Variants in CENATAC observed in about 807,000 individuals in gnomAD.
CENATAC encodes the protein centrosomal AT-AC splicing factor, also known as coiled-coil domain containing 84.
In CENATAC, 53 loss-of-function variants were observed where a neutral mutation model predicts 53.7. That is an observed-to-expected ratio of 0.99 (90% CI 0.79 to 1.24). The LOEUF is 1.24. Ranked by LOEUF, CENATAC falls within the 50% of genes most tolerant of loss-of-function variation. The pLI, the probability that CENATAC is intolerant of heterozygous loss-of-function variation, is 0.00. For missense variants in CENATAC, 474 were observed against 417.8 expected (o/e 1.13, Z -1.17); for synonymous variants, 156 against 144.6 (o/e 1.08, Z -0.57).
rs144776371 is a variant in CENATAC at position 119,015,775 on chromosome 11, A to T, written c.*177A>T. 6.8e-6 allele frequency: 9 copies of T among 1,330,518 alleles called. No homozygotes were observed. The highest frequency in any genetic ancestry group is 3.8e-4 in the Middle Eastern group (2 of 5,314). The allele number at this position is 1,330,518 out of a possible 1,614,324, so 82.4% of individuals were successfully genotyped here. A position where few individuals can be genotyped will look rare whatever the true frequency, so the allele number is the denominator to read the frequency against. On this transcript the variant is annotated 3_prime_UTR_variant, in exon 11 of 11. Coordinates refer to ENST00000334418, the MANE Select transcript of CENATAC (RefSeq NM_198489.3). The stretch of plus-strand genomic sequence containing the variant: ...TGGTTGGACCTGTAAAAAAAAATTA[A>T]AAGAATCAGAACCATAAAGCTTTGT...
At chr11:119,008,494 C>G (rs1375866449) in intron 3 of CENATAC, among the ~76,000 whole-genome samples, 1 of 152,200 alleles carries the variant, frequency 6.6e-6, no homozygotes, top group East Asian at 1.9e-4. Flanking sequence ...AAGGCAGTAT[C>G]ACTGTAAACA....
At chr11:119,012,461 C>A (rs560012130) in intron 7 of CENATAC, 2 of 525,648 alleles carry the variant, frequency 3.8e-6, no homozygotes, top group South Asian at 4.6e-5. Context: ...GGAGTGCCAA[C>A]TCCTAAATCT....
intron 3 of CENATAC, chr11:119,003,297 G>T (rs782735035): frequency 1.7e-5 from 9 of 527,144 alleles, no homozygotes; most frequent in Non-Finnish European, 3.4e-5. Flanking sequence ...CTCCGGAGTC[G>T]CAATGTCTTG....
chr11:119,011,091 C>T lies in CENATAC; in HGVS notation c.451-130C>T, dbSNP rs537505908. 1.3e-5 allele frequency: 10 copies of T among 749,546 alleles called. No individual in the cohort carries two copies. In the South Asian group the frequency reaches 1.8e-4, roughly 13 times the overall value. 46.4% of individuals were successfully genotyped at this position (749,546 alleles called of 1,614,324 possible). A position where few individuals can be genotyped will look rare whatever the true frequency, so the allele number is the denominator to read the frequency against. ...GCTCAGGCGGCAGTGCTGTTGCAGC[C>T]TGCTTCCTGACAGGCCACAGACCAG... On this transcript the variant is annotated intron_variant, in intron 4 of 10. Transcript: ENST00000334418.
chr11:119,011,799 G>A (rs1421020635), intron 5 of CENATAC, 140 bp from the exon 6 acceptor site: 2 of 701,800 alleles, frequency 2.8e-6, no homozygotes, highest in African/African-American at 1.8e-5. Context: ...AGGGAGGGAA[G>A]AGTCTGTAAA....
At chr11:119,007,127 A>G (rs983627732) in intron 3 of CENATAC, among the ~76,000 whole-genome samples, 1 of 152,160 alleles carries the variant, frequency 6.6e-6, no homozygotes, top group Non-Finnish European at 1.5e-5. Flanking sequence ...GTTCCAGATA[A>G]ATGAACTGTA....
At chr11:119,009,300 G>A (rs556844393) in intron 3 of CENATAC, among the ~76,000 whole-genome samples, 1 of 152,100 alleles carries the variant, frequency 6.6e-6, no homozygotes, top group Non-Finnish European at 1.5e-5. Context: ...CTAATTTTTT[G>A]TGTTTTTGTA....
rs781993939 is a variant in CENATAC at position 118,998,213 on chromosome 11, C to A, written c.16C>A (p.Arg6Ser). MAPAQRCPLCRQTFFC... is the reference protein window; with the variant it reads MAPAQSCPLCRQTFFC... ...TACCCGGGCTATGGCGCCGGCGCAG[C>A]GCTGCCCTCTGTGCCGCCAGACCTT... Residue 6 changes from arginine (R) to serine (S), a missense_variant, in exon 1 of 11, where the codon CGC becomes AGC. Transcript: ENST00000334418. The A allele has an allele frequency of 3.2e-6, 5 of 1,581,666 alleles. No homozygotes were observed. In the African/African-American group the frequency reaches 6.7e-5, roughly 21 times the overall value.
chr11:119,003,691 T>C, intron 3 of CENATAC: 1 of 171,338 alleles, frequency 5.8e-6, no homozygotes, highest in South Asian at 1.1e-4. Flanking sequence ...TGATCTTGGC[T>C]CACTGCAACC....
chr11:119,014,747 A>G (rs933409678), intron 8 of CENATAC: 1 of 322,936 alleles, frequency 3.1e-6, no homozygotes, highest in African/African-American at 2.1e-5. Flanking sequence ...GCTTCGCTCA[A>G]AAGTCACCAA....
At chr11:119,001,710 T>G (rs1942307837) in intron 3 of CENATAC, 1 of 453,076 alleles carries the variant, frequency 2.2e-6, no homozygotes. Flanking sequence ...TGTGCAAGAG[T>G]CAACTGTATT....
Position 119,015,571 on chromosome 11 carries a change from G to C in CENATAC, c.972G>C (p.Lys324Asn). Residue 324 changes from lysine (K) to asparagine (N), a missense_variant, in exon 11 of 11, where the codon AAG becomes AAC. Transcript: ENST00000334418. ...HQFKTEAAAMKKQSHTEKS is the reference protein window; with the variant it reads ...HQFKTEAAAMNKQSHTEKS ...TCAAAACTGAAGCTGCAGCAATGAAGAAGCAGTCACATACAGAAAAAAGCT... is the reference window on the plus strand; with the variant it reads ...TCAAAACTGAAGCTGCAGCAATGAACAAGCAGTCACATACAGAAAAAAGCT... 6.2e-7 allele frequency: 1 copy of C among 1,614,072 alleles called. No homozygotes were observed. The highest frequency in any genetic ancestry group is 8.5e-7 in the Non-Finnish European group (1 of 1,179,970).
At chr11:118,998,737 T>C (rs12786333) in intron 2 of CENATAC, 144 bp downstream of exon 2, 95,401 of 1,185,688 alleles carry the variant, frequency 0.08, 4,581 homozygotes, top group Non-Finnish European at 0.094. Flanking sequence ...CCAGCCTTGT[T>C]AGGGTAGGGG....
intron 10 of CENATAC, 42 bp from the exon 11 acceptor site, chr11:119,015,496 T>G: frequency 6.2e-7 from 1 of 1,614,110 alleles, no homozygotes; most frequent in Non-Finnish European, 8.5e-7. Flanking sequence ...TTTTTGGAGA[T>G]GTCACCCTTC....
chr11:118,998,292 A>C lies in CENATAC; in HGVS notation c.95A>C (p.Glu32Ala), dbSNP rs918885747. The change falls in exon 1 of 11, where the codon GAG becomes GCG. Residue 32 changes from glutamate to alanine, a missense_variant. By Grantham distance (107) the Glu-to-Ala change is moderately radical. Coordinates refer to ENST00000334418, the MANE Select transcript of CENATAC (RefSeq NM_198489.3). ...YSRKHQRQLK[E>A]ALERLLPQVE... ...CGCAAGCACCAGCGGCAGCTGAAGG[A>C]GGCTTTGGAGAGGCTCCTGCCCCAG... 5 of 1,605,736 alleles carry C rather than the reference A, an allele frequency of 3.1e-6. No homozygotes were observed. Among genetic ancestry groups the C allele is most frequent in the Non-Finnish European group, 2.6e-6 (3 of 1,176,340 alleles).
chr11:119,003,648 G>A (rs1289242478), intron 3 of CENATAC: 4 of 174,326 alleles, frequency 2.3e-5, no homozygotes, highest in African/African-American at 1.4e-4. Flanking sequence ...TTGGGAGACA[G>A]AGTCTTGTTC....
At chr11:119,009,932 G>T (rs1386699721) in intron 3 of CENATAC, 1 of 152,240 alleles carries the variant, frequency 6.6e-6, no homozygotes, top group Non-Finnish European at 1.5e-5. Context: ...AATTGCTTGA[G>T]CCCAGGAGTT....
intron 8 of CENATAC, among the ~76,000 whole-genome samples, chr11:119,013,762 C>A (rs1182047416): frequency 2.1e-5 from 3 of 141,060 alleles, no homozygotes; most frequent in African/African-American, 7.8e-5. Context: ...CGTGCCCGGA[C>A]TTTTTTTTTT....
intron 9 of CENATAC, 75 bp from the exon 10 acceptor site, chr11:119,015,232 C>T (rs773645378): frequency 2.5e-5 from 37 of 1,502,394 alleles, no homozygotes; most frequent in Non-Finnish European, 3.1e-5. Context: ...TTGAAAACAG[C>T]CTGGACAACA....
Sources: allele counts gnomAD v4.1 joint callset (sites outside exome capture counted in the v4.1 genomes callset), GRCh38; gene constraint gnomAD v4.1.1; transcripts MANE v1.5; gene names NCBI Gene and HGNC (gene_info 2026-07-23, HGNC 2026-07-21).